The following TMEM178B variants were observed in gnomAD, a reference collection of about 807,000 sequenced individuals.
TMEM178B encodes transmembrane protein 178B.
In TMEM178B, 5 loss-of-function variants were observed where a neutral mutation model predicts 31.0. The ratio of observed to expected loss-of-function variants is 0.16; its 90% confidence interval spans 0.08 to 0.34. The LOEUF is 0.34. TMEM178B is among the 10% of genes least tolerant of loss of function. The pLI is 1.00. For missense variants in TMEM178B, 275 were observed against 400.3 expected (o/e 0.69, Z 2.67); for synonymous variants, 164 against 164.0 (o/e 1.00, Z 0.00).
intron 2 of TMEM178B, among the ~76,000 whole-genome samples, chr7:141,391,700 C>T (rs143905460): frequency 0.011 from 1,696 of 152,186 alleles, 24 homozygotes; most frequent in African/African-American, 0.038. Flanking sequence ...TCTCCCCTCC[C>T]CCAGCCTCTG....
chr7:141,507,011 C>G, the TMEM178B span, among the ~76,000 whole-genome samples: 1 of 152,164 alleles, frequency 6.6e-6, no homozygotes, highest in Non-Finnish European at 1.5e-5. Flanking sequence ...CACATCCAGG[C>G]AACACTGATA....
At chr7:141,095,611 CTG>C (rs1794947619) in intron 1 of TMEM178B, among the ~76,000 whole-genome samples, 1 of 152,154 alleles carries the variant, frequency 6.6e-6, no homozygotes, top group African/African-American at 2.4e-5. Context: ...CATTTGCTTT[CTG>C]TCTTTCAGCA....
chr7:141,216,565 G>T (rs1797156453), intron 2 of TMEM178B, among the ~76,000 whole-genome samples: 1 of 151,928 alleles, frequency 6.6e-6, no homozygotes, highest in East Asian at 1.9e-4. Context: ...GTGTGGTAGG[G>T]AAGAAGGGTG....
intron 3 of TMEM178B, among the ~76,000 whole-genome samples, chr7:141,442,622 G>A (rs1358015286): frequency 6.6e-6 from 1 of 152,194 alleles, no homozygotes; most frequent in Non-Finnish European, 1.5e-5. Flanking sequence ...AGGCCCTGGA[G>A]TGATCTGACT....
chr7:141,148,365 G>T (rs978442047), intron 1 of TMEM178B, among the ~76,000 whole-genome samples: 1 of 152,208 alleles, frequency 6.6e-6, no homozygotes, highest in African/African-American at 2.4e-5. Context: ...CTTTAGAGGA[G>T]CATTATTCTG....
At chr7:141,369,316 CGTGTGTGT>C (rs55960871) in intron 2 of TMEM178B, among the ~76,000 whole-genome samples, 2,789 of 138,436 alleles carry the variant, frequency 0.02, 36 homozygotes, top group Middle Eastern at 0.048. Flanking sequence ...TCCGCGCCGA[CGTGTGTGT>C]GTGTGTGTGT....
chr7:141,346,142 A>G (rs890670774), intron 2 of TMEM178B, among the ~76,000 whole-genome samples: 21 of 152,088 alleles, frequency 1.4e-4, no homozygotes, highest in African/African-American at 5.1e-4. Flanking sequence ...AATAGCGAGA[A>G]CCCAGGAAGT....
chr7:141,147,264 G>A (rs1262191884), intron 1 of TMEM178B, among the ~76,000 whole-genome samples: 1 of 151,576 alleles, frequency 6.6e-6, no homozygotes, highest in Non-Finnish European at 1.5e-5. Flanking sequence ...TCCCTCCTGT[G>A]TTCTAATAGA....
At chr7:141,263,084 C>A (rs561493631) in intron 2 of TMEM178B, among the ~76,000 whole-genome samples, 1 of 152,228 alleles carries the variant, frequency 6.6e-6, no homozygotes, top group South Asian at 2.1e-4. Context: ...GTTATCTGGA[C>A]ACTAAACCAC....
chr7:141,245,498 A>G (rs1347869303), intron 2 of TMEM178B, among the ~76,000 whole-genome samples: 1 of 152,238 alleles, frequency 6.6e-6, no homozygotes, highest in Non-Finnish European at 1.5e-5. Context: ...TTGCAAAATA[A>G]AGAAACGGCA....
At chr7:141,386,490 G>A (rs77107566) in intron 2 of TMEM178B, among the ~76,000 whole-genome samples, 1,640 of 152,236 alleles carry the variant, frequency 0.011, 18 homozygotes, top group Non-Finnish European at 0.016. Flanking sequence ...CTCTGGACAC[G>A]CTGTGTAGTT....
intron 2 of TMEM178B, among the ~76,000 whole-genome samples, chr7:141,284,776 T>G (rs933094726): frequency 6.6e-6 from 1 of 152,164 alleles, no homozygotes; most frequent in Non-Finnish European, 1.5e-5. Context: ...GAAGGGTGAA[T>G]CAGACCGACC....
chr7:141,305,429 T>C (rs1214439417), intron 2 of TMEM178B, among the ~76,000 whole-genome samples: 2 of 152,064 alleles, frequency 1.3e-5, no homozygotes, highest in Non-Finnish European at 2.9e-5. Context: ...TGTGCTTTTC[T>C]TTTTTTCTTT....
Position 141,344,622 on chromosome 7 carries a change from TCCTTCCTC to T in TMEM178B, c.497-92978_497-92971del, listed in dbSNP as rs1306355524. 7.7e-6 allele frequency among the ~76,000 whole-genome samples: 1 copy of T among 130,060 alleles called. No homozygotes were observed. The highest frequency in any genetic ancestry group is 2.2e-4 in the East Asian group (1 of 4,632). The allele number at this position is 130,060 out of a possible 152,430, so 85.3% of individuals were successfully genotyped here. On this transcript the variant is annotated intron_variant, in intron 2 of 3. Transcript: ENST00000565468. The surrounding 1 kb of genome is among the most constrained non-coding windows in gnomAD (Gnocchi z 4.1). ...TTCCTTCCTTCCTTCCTTCCTTCCTTCCTTCCTCCCTTCCTTCTTCCCTTCATCAAAAG... is the reference window on the plus strand; with the variant it reads ...TTCCTTCCTTCCTTCCTTCCTTCCTTCCTTCCTTCTTCCCTTCATCAAAAG...
chr7:141,130,742 T>G (rs1171857163), intron 1 of TMEM178B, among the ~76,000 whole-genome samples: 1 of 152,126 alleles, frequency 6.6e-6, no homozygotes, highest in Non-Finnish European at 1.5e-5. Context: ...TGAGACTTAT[T>G]GAAAGCTTAC....
intron 2 of TMEM178B, among the ~76,000 whole-genome samples, chr7:141,383,368 CT>C (rs1800364185): frequency 7.1e-6 from 1 of 140,676 alleles, no homozygotes; most frequent in Non-Finnish European, 1.5e-5. Context: ...TCCCTCCCCC[CT>C]CCCTCCACCC....
the TMEM178B span, among the ~76,000 whole-genome samples, chr7:141,507,917 C>T: frequency 1.8e-4 from 28 of 152,168 alleles, no homozygotes; most frequent in East Asian, 1.9e-3. Context: ...GAAGGGCTGC[C>T]GTGAAGGTCT....
chr7:141,192,589 C>T (rs911785428), intron 1 of TMEM178B, among the ~76,000 whole-genome samples: 22 of 151,976 alleles, frequency 1.4e-4, no homozygotes, highest in East Asian at 9.7e-4. Flanking sequence ...CCCAGCCTCC[C>T]GAATAGCTGC....
intron 1 of TMEM178B, among the ~76,000 whole-genome samples, chr7:141,096,630 C>A (rs778321007): frequency 2.0e-5 from 3 of 152,216 alleles, no homozygotes; most frequent in Non-Finnish European, 4.4e-5. Flanking sequence ...AAGCTCCATA[C>A]CCCTTCCCTT....
Sources: gnomAD v4.1 joint callset for allele counts (sites outside exome capture counted in the v4.1 genomes callset) on GRCh38, gnomAD v4.1.1 for gene constraint, Gnocchi (gnomAD v3.1) non-coding constraint, MANE v1.5 for transcripts, NCBI Gene and HGNC (gene_info 2026-07-23, HGNC 2026-07-21) for gene names.